Variants in ZFAND3 observed in about 807,000 individuals in gnomAD.
The protein encoded by ZFAND3 is AN1-type zinc finger protein 3.
Under a neutral mutation model 29.6 loss-of-function variants are expected in ZFAND3, and 10 were observed. The observed-to-expected ratio is 0.34, with a 90% CI of 0.21 to 0.57. The LOEUF (loss-of-function observed/expected upper bound fraction) is 0.57, where lower values mean the gene tolerates loss of function less well. ZFAND3 is among the 20% of genes least tolerant of loss of function. The pLI, the probability that ZFAND3 is intolerant of heterozygous loss-of-function variation, is 0.86. For missense variants in ZFAND3, 230 were observed against 304.5 expected (o/e 0.76, Z 1.82); for synonymous variants, 128 against 112.6 (o/e 1.14, Z -0.87).
At chr6:38,138,815 G>A (rs2127494347) in intron 5 of ZFAND3, among the ~76,000 whole-genome samples, 1 of 152,336 alleles carries the variant, frequency 6.6e-6, no homozygotes, top group Non-Finnish European at 1.5e-5. Context: ...TCAAGAAGAT[G>A]AAGAGTTGTT....
chr6:37,994,975 C>T (rs1362901855), intron 2 of ZFAND3, among the ~76,000 whole-genome samples: 1 of 152,116 alleles, frequency 6.6e-6, no homozygotes, highest in Non-Finnish European at 1.5e-5. Flanking sequence ...TTGGCTGATC[C>T]AGTGGTTCTG....
chr6:37,837,396 C>T (rs1474427501), intron 1 of ZFAND3, among the ~76,000 whole-genome samples: 10 of 151,804 alleles, frequency 6.6e-5, no homozygotes, highest in Admixed American at 3.3e-4. Flanking sequence ...CATTCTTCAG[C>T]GTATTTTGCT....
At chr6:38,060,689 A>C (rs1404397677) in intron 2 of ZFAND3, among the ~76,000 whole-genome samples, 1 of 152,156 alleles carries the variant, frequency 6.6e-6, no homozygotes, top group Non-Finnish European at 1.5e-5. Flanking sequence ...GGCCTCAAGC[A>C]GTCCTCCCGC....
intron 5 of ZFAND3, among the ~76,000 whole-genome samples, chr6:38,137,272 C>T (rs915649503): frequency 1.3e-5 from 2 of 152,212 alleles, no homozygotes; most frequent in Non-Finnish European, 2.9e-5. Flanking sequence ...GGATACACCA[C>T]AAGCCAGACA....
chr6:37,975,754 C>T (rs1363140530), intron 2 of ZFAND3, among the ~76,000 whole-genome samples: 1 of 152,020 alleles, frequency 6.6e-6, no homozygotes, highest in Non-Finnish European at 1.5e-5. Flanking sequence ...ATCTGTTTGT[C>T]TGCTTTATGC....
intron 2 of ZFAND3, among the ~76,000 whole-genome samples, chr6:38,033,623 T>A (rs1763604744): frequency 6.6e-6 from 1 of 152,210 alleles, no homozygotes. Context: ...ATTTCTCTAT[T>A]TGTACTGAAT....
At chr6:38,091,392 C>G (rs1764865096) in intron 4 of ZFAND3, among the ~76,000 whole-genome samples, 1 of 151,096 alleles carries the variant, frequency 6.6e-6, no homozygotes, top group African/African-American at 2.4e-5. Flanking sequence ...TGTTGCTCCA[C>G]TGGGGCAAAA....
chr6:38,041,690 TCTCCTTCTCCTC>T (rs1763775124), intron 2 of ZFAND3, among the ~76,000 whole-genome samples: 2 of 14,168 alleles, frequency 1.4e-4, no homozygotes, highest in African/African-American at 3.0e-4. Flanking sequence ...TTCTTCTCCT[TCTCCTTCTCCTC>T]CTCCTCCTCC....
chr6:38,093,263 G>A (rs1309140137), intron 4 of ZFAND3, among the ~76,000 whole-genome samples: 4 of 152,178 alleles, frequency 2.6e-5, no homozygotes, highest in Admixed American at 2.6e-4. Context: ...TTTGAAAAGA[G>A]TAATTGACAG....
intron 1 of ZFAND3, among the ~76,000 whole-genome samples, chr6:37,876,847 G>A (rs778703233): frequency 2.0e-5 from 3 of 152,110 alleles, no homozygotes; most frequent in Non-Finnish European, 4.4e-5. Context: ...TAAAATACAC[G>A]TACATATACC....
At chr6:37,993,864 T>C (rs912918126) in intron 2 of ZFAND3, among the ~76,000 whole-genome samples, 1 of 152,208 alleles carries the variant, frequency 6.6e-6, no homozygotes, top group Admixed American at 6.5e-5. Context: ...TATTTTTGTT[T>C]TGTTTATTTA....
Position 37,976,494 on chromosome 6 carries a change from G to C in ZFAND3, c.112+46495G>C, listed in dbSNP as rs780070160. Among the ~76,000 whole-genome samples, 18 of 143,926 alleles carry C rather than the reference G, an allele frequency of 1.3e-4. 1 individual carries two copies. Among genetic ancestry groups the C allele is most frequent in the Non-Finnish European group, 2.5e-4 (17 of 66,994 alleles). The allele number at this position is 143,926 out of a possible 152,430, so 94.4% of individuals were successfully genotyped here. On this transcript the variant is annotated intron_variant, in intron 2 of 5. Coordinates refer to ENST00000287218, the MANE Select transcript of ZFAND3 (RefSeq NM_021943.3). Reference sequence around the variant, plus strand: ...AGCTACTTGGGAGGCTGAGGTGGAAGAATCACTTGAGCCCCGGAAGTAGAG... The same window carrying C: ...AGCTACTTGGGAGGCTGAGGTGGAACAATCACTTGAGCCCCGGAAGTAGAG...
chr6:38,147,630 C>G (rs1051336996), intron 5 of ZFAND3, among the ~76,000 whole-genome samples: 2 of 152,178 alleles, frequency 1.3e-5, no homozygotes, highest in African/African-American at 4.8e-5. Flanking sequence ...TCTGCATCCT[C>G]GCCAGGATCT....
chr6:37,916,252 T>C (rs188690880), intron 1 of ZFAND3, among the ~76,000 whole-genome samples: 7 of 152,242 alleles, frequency 4.6e-5, no homozygotes, highest in Admixed American at 3.3e-4. Context: ...GAAACAGATA[T>C]GAAGTAAGCA....
intron 2 of ZFAND3, among the ~76,000 whole-genome samples, chr6:38,043,106 A>G (rs1002574240): frequency 2.6e-5 from 4 of 152,184 alleles, no homozygotes; most frequent in African/African-American, 9.7e-5. Flanking sequence ...ATATATTACA[A>G]AGTCAGAAGT....
chr6:38,144,287 G>A (rs1352326871), intron 5 of ZFAND3, among the ~76,000 whole-genome samples: 2 of 147,234 alleles, frequency 1.4e-5, no homozygotes, highest in East Asian at 2.1e-4. Context: ...GGGGATATTT[G>A]TCATTTATTT....
intron 1 of ZFAND3, among the ~76,000 whole-genome samples, chr6:37,859,264 A>C (rs1410386798): frequency 6.6e-6 from 1 of 152,230 alleles, no homozygotes; most frequent in Non-Finnish European, 1.5e-5. Context: ...AACAGAGAAA[A>C]TTTATGTTTA....
At chr6:37,981,863 T>G (rs982170690) in intron 2 of ZFAND3, among the ~76,000 whole-genome samples, 3 of 152,122 alleles carry the variant, frequency 2.0e-5, no homozygotes, top group African/African-American at 7.2e-5. Flanking sequence ...CACACACAGC[T>G]TGGTTTTATA....
At chr6:37,948,335 T>C (rs1761937515) in intron 2 of ZFAND3, among the ~76,000 whole-genome samples, 1 of 152,268 alleles carries the variant, frequency 6.6e-6, no homozygotes, top group East Asian at 1.9e-4. Context: ...CCCTTCATCA[T>C]TATGAAATGA....
Sources: allele counts gnomAD v4.1 joint callset (sites outside exome capture counted in the v4.1 genomes callset), GRCh38; gene constraint gnomAD v4.1.1; transcripts MANE v1.5; gene names NCBI Gene and HGNC (gene_info 2026-07-23, HGNC 2026-07-21).